The following RAC2 variants were observed in gnomAD, a reference collection of about 807,000 sequenced individuals.
RAC2 encodes ras-related C3 botulinum toxin substrate 2.
Under a neutral mutation model 24.0 loss-of-function variants are expected in RAC2, and 1 was observed. That is an observed-to-expected ratio of 0.04 (90% confidence interval 0.01 to 0.20). RAC2 has a LOEUF of 0.20. Ranked by LOEUF, RAC2 falls within the 10% of genes least tolerant of loss-of-function variation. The pLI, the probability that RAC2 is intolerant of heterozygous loss-of-function variation, is 1.00. For missense variants in RAC2, 130 were observed against 259.1 expected (o/e 0.50, Z 3.42); for synonymous variants, 114 against 106.8 (o/e 1.07, Z -0.41).
At chr22:37,241,703 C>A in intron 1 of RAC2, 45 bp from the exon 2 acceptor site, 1 of 1,560,286 alleles carries the variant, frequency 6.4e-7, no homozygotes, top group South Asian at 1.1e-5. Context: ...TGGGCTCTGC[C>A]GGAGACGTGG....
At chr22:37,230,899 T>A (rs969275776) in intron 5 of RAC2, among the ~76,000 whole-genome samples, 1 of 152,174 alleles carries the variant, frequency 6.6e-6, no homozygotes. Flanking sequence ...TATCTATTAA[T>A]AGATACTACT....
intron 2 of RAC2, among the ~76,000 whole-genome samples, chr22:37,237,069 G>T (rs774983944): frequency 7.2e-5 from 11 of 152,014 alleles, no homozygotes; most frequent in Non-Finnish European, 1.5e-4. Flanking sequence ...CATGCCTGTA[G>T]TCCCAGCTAC....
In RAC2 at chr22:37,231,421, G is replaced by C; in HGVS notation, c.289-31C>G. 1 of 1,611,692 alleles carries C rather than the reference G, an allele frequency of 6.2e-7. No homozygotes were observed. The highest frequency in any genetic ancestry group is 8.5e-7 in the Non-Finnish European group (1 of 1,178,606). ...CAGGTGGGTGGGGGGACACAAGGTT[G>C]TATGGGTCAAGAGGGGGCGCGAGGC... is the stretch of plus-strand genomic sequence containing the variant. On this transcript the variant is annotated intron_variant, in intron 4 of 6. Transcript: ENST00000249071. The surrounding 1 kb of genome is among the most constrained non-coding windows in gnomAD (Gnocchi z 5.5).
intron 2 of RAC2, among the ~76,000 whole-genome samples, chr22:37,236,147 C>G (rs985184879): frequency 6.6e-6 from 1 of 152,138 alleles, no homozygotes; most frequent in Non-Finnish European, 1.5e-5. Flanking sequence ...GGGGAAAATA[C>G]CTATTTCTTG....
Position 37,225,751 on chromosome 22 carries a change from A to G in RAC2, c.*291T>C, listed in dbSNP as rs1287750951. 2 of 152,330 alleles carry G rather than the reference A, an allele frequency of 1.3e-5. No homozygotes were observed. Among genetic ancestry groups the G allele is most frequent in the African/African-American group, 4.8e-5 (2 of 41,444 alleles). The allele number at this position is 152,330 out of a possible 1,614,324, so 9.4% of individuals were successfully genotyped here. ...ACGGGTAGATGCTTCCACATGCGGC[A>G]GTTGGCACTGACGGCAGGAACACGG... On this transcript the variant is annotated 3_prime_UTR_variant, in exon 7 of 7. Transcript: ENST00000249071.
At position 37,232,599 on chromosome 22, in the gene RAC2, G is replaced by A. The variant is rs534866900; in HGVS notation, c.225+202C>T. 31 of 605,706 alleles carry A rather than the reference G, an allele frequency of 5.1e-5. No homozygotes were observed. In the East Asian group the frequency reaches 5.4e-4, roughly 11 times the overall value. 37.5% of individuals were successfully genotyped at this position (605,706 alleles called of 1,614,324 possible). A position where few individuals can be genotyped will look rare whatever the true frequency, so the allele number is the denominator to read the frequency against. On this transcript the variant is annotated intron_variant, in intron 3 of 6. Coordinates refer to ENST00000249071, the MANE Select transcript of RAC2 (RefSeq NM_002872.5). ...TGGGGTGGGAAGATGGGCACATTGA[G>A]GACCGGGAACCAATGCAGGGCTGAG...
At chr22:37,235,029 C>A (rs554622316) in intron 2 of RAC2, among the ~76,000 whole-genome samples, 8 of 152,130 alleles carry the variant, frequency 5.3e-5, no homozygotes, top group Non-Finnish European at 8.8e-5. Context: ...TGGGCCAGGC[C>A]GATGCCTGCT....
At chr22:37,243,155 C>T (rs950822406) in intron 1 of RAC2, among the ~76,000 whole-genome samples, 3 of 152,184 alleles carry the variant, frequency 2.0e-5, no homozygotes, top group African/African-American at 7.2e-5. Flanking sequence ...CATATGCCAC[C>T]ACTCCTGGCT....
intron 5 of RAC2, among the ~76,000 whole-genome samples, chr22:37,228,522 G>A (rs886802696): frequency 2.0e-5 from 3 of 152,254 alleles, no homozygotes; most frequent in Admixed American, 2.0e-4. Context: ...GGAGAAGGGA[G>A]GGGAGGGGAA....
At chr22:37,238,505 G>A (rs772581771) in intron 2 of RAC2, among the ~76,000 whole-genome samples, 2 of 152,220 alleles carry the variant, frequency 1.3e-5, no homozygotes, top group Non-Finnish European at 2.9e-5. Context: ...CTCCCAAAGT[G>A]CTGGGATTAC....
rs538477957 is a variant in RAC2 at position 37,234,910 on chromosome 22, C to A, written c.108-1992G>T. On this transcript the variant is annotated intron_variant, in intron 2 of 6. Coordinates refer to ENST00000249071, the MANE Select transcript of RAC2 (RefSeq NM_002872.5). ...CTCCTCTCTGGCGGAGCTTCGTCGT[C>A]CTCTACCTGTAAAGAGCCCATGGTT... 2.0e-5 allele frequency among the ~76,000 whole-genome samples: 3 copies of A among 152,344 alleles called. No individual in the cohort carries two copies. The South Asian group carries it at 6.2e-4, about 32-fold the overall frequency.
Position 37,244,116 on chromosome 22 carries a change from A to G in RAC2, c.33T>C (p.Asp11=). The change falls in exon 1 of 7, where the codon GAT becomes GAC. Residue 11 remains aspartate (D), a splice_region_variant and synonymous_variant. Coordinates refer to ENST00000249071, the MANE Select transcript of RAC2 (RefSeq NM_002872.5). ...AGGAAGTCCAGCCAGGTACCTACCCATCTCCCACCACCACACACTTGATGG... is the reference window on the plus strand; with the variant it reads ...AGGAAGTCCAGCCAGGTACCTACCCGTCTCCCACCACCACACACTTGATGG... MQAIKCVVVG[D]GAVGKTCLLI... is the part of the protein sequence containing the mutation. The G allele has an allele frequency of 4.3e-6, 7 of 1,614,178 alleles. No homozygotes were observed. The highest frequency in any genetic ancestry group is 5.9e-6 in the Non-Finnish European group (7 of 1,180,022).
In RAC2 at chr22:37,244,159, G is replaced by A. The variant is rs765498124; in HGVS notation, c.-11C>T. ...CTTGATGGCCTGCATCGTGTCCGGA[G>A]CCTGGAGAGTGTCGGTGGTGACAGC... On this transcript the variant is annotated 5_prime_UTR_variant, in exon 1 of 7. Coordinates refer to ENST00000249071, the MANE Select transcript of RAC2 (RefSeq NM_002872.5). 7.3e-5 allele frequency: 118 copies of A among 1,613,978 alleles called. No homozygotes were observed. The highest frequency in any genetic ancestry group is 9.3e-5 in the Non-Finnish European group (110 of 1,179,988).
At chr22:37,237,144 G>A (rs1018045831) in intron 2 of RAC2, among the ~76,000 whole-genome samples, 54 of 147,686 alleles carry the variant, frequency 3.7e-4, no homozygotes, top group African/African-American at 1.1e-3. Context: ...AGCCGAGATC[G>A]CACCACTGCA....
At chr22:37,237,750 A>AT (rs1160446575) in intron 2 of RAC2, among the ~76,000 whole-genome samples, 1 of 152,028 alleles carries the variant, frequency 6.6e-6, no homozygotes, top group Admixed American at 6.5e-5. Context: ...AGCAACAGGA[A>AT]TGGGCTCAGC....
intron 3 of RAC2, chr22:37,232,364 T>C (rs1401199758): frequency 1.4e-5 from 6 of 431,404 alleles, no homozygotes; most frequent in African/African-American, 1.2e-4. Context: ...CCAATCCATA[T>C]ACTATCCACC....
intron 3 of RAC2, chr22:37,232,532 C>A: frequency 1.9e-6 from 1 of 517,222 alleles, no homozygotes; most frequent in African/African-American, 1.9e-5. Flanking sequence ...AATCCACCTG[C>A]CCCACCACTG....
chr22:37,237,204 G>A (rs1177357107), intron 2 of RAC2, among the ~76,000 whole-genome samples: 3 of 148,380 alleles, frequency 2.0e-5, no homozygotes, highest in Admixed American at 2.0e-4. Context: ...AGGAAGGAAG[G>A]GAGGAAGGGA....
intron 2 of RAC2, chr22:37,241,219 G>A (rs576653167): frequency 7.8e-6 from 6 of 765,864 alleles, no homozygotes; most frequent in East Asian, 7.3e-5. Context: ...AGGTGTCCCT[G>A]TTCCTTGGAG....
Sources: gnomAD v4.1 joint callset for allele counts (sites outside exome capture counted in the v4.1 genomes callset) on GRCh38, gnomAD v4.1.1 for gene constraint, Gnocchi (gnomAD v3.1) non-coding constraint, MANE v1.5 for transcripts, NCBI Gene and HGNC (gene_info 2026-07-23, HGNC 2026-07-21) for gene names.